The following MTUS2 variants were observed in gnomAD, a reference collection of about 807,000 sequenced individuals.
MTUS2 encodes microtubule associated scaffold protein 2.
MTUS2 carries 40 observed loss-of-function variants against 114.1 expected under a neutral mutation model. That is an observed-to-expected ratio of 0.35 (90% CI 0.27 to 0.46). The LOEUF is 0.46. Among genes scored for constraint, MTUS2 ranks in the 20% least tolerant of loss-of-function variants. MTUS2 has a pLI of 1.00. For missense variants in MTUS2, 1,679 were observed against 1,705.4 expected (o/e 0.98, Z 0.27); for synonymous variants, 688 against 672.0 (o/e 1.02, Z -0.37).
intron 7 of MTUS2, among the ~76,000 whole-genome samples, chr13:29,351,325 A>G: frequency 6.6e-6 from 1 of 151,994 alleles, no homozygotes; most frequent in Non-Finnish European, 1.5e-5. Context: ...ATTTAAGGAG[A>G]GTTTCTCTCC....
chr13:29,023,576 T>C (rs1886382766), intron 2 of MTUS2, among the ~76,000 whole-genome samples: 1 of 152,166 alleles, frequency 6.6e-6, no homozygotes, highest in Admixed American at 6.5e-5. Context: ...ACCAAATTAA[T>C]CTCTGGCATA....
At chr13:29,058,577 TTTTTA>T (rs1274368289) in intron 4 of MTUS2, among the ~76,000 whole-genome samples, 1 of 131,032 alleles carries the variant, frequency 7.6e-6, no homozygotes, top group Non-Finnish European at 1.7e-5. Context: ...TTTTTTTTTT[TTTTTA>T]ATTATTATTT....
At chr13:29,293,614 T>G (rs61948203) in intron 6 of MTUS2, among the ~76,000 whole-genome samples, 6,776 of 152,142 alleles carry the variant, frequency 0.045, 159 homozygotes, top group East Asian at 0.09. Flanking sequence ...GTTCAAGCAA[T>G]AATGATATAT....
intron 5 of MTUS2, among the ~76,000 whole-genome samples, chr13:29,173,577 A>T (rs1298563700): frequency 6.6e-6 from 1 of 152,158 alleles, no homozygotes; most frequent in African/African-American, 2.4e-5. Flanking sequence ...TACCTTTAGT[A>T]CTGTGTTAAA....
intron 5 of MTUS2, among the ~76,000 whole-genome samples, chr13:29,113,373 C>A (rs1232725091): frequency 6.6e-6 from 1 of 152,196 alleles, no homozygotes; most frequent in Admixed American, 6.5e-5. Flanking sequence ...GAATTAGAGA[C>A]AGAATTCGCT....
At chr13:29,209,044 T>G (rs1198784144) in intron 5 of MTUS2, among the ~76,000 whole-genome samples, 1 of 152,164 alleles carries the variant, frequency 6.6e-6, no homozygotes, top group East Asian at 1.9e-4. Context: ...CACTTATTAT[T>G]GTGTTGCTGT....
chr13:29,250,139 A>T (rs997361247), intron 5 of MTUS2, among the ~76,000 whole-genome samples: 1 of 152,350 alleles, frequency 6.6e-6, no homozygotes, highest in East Asian at 1.9e-4. Context: ...AAATAAAATA[A>T]AATGGATAAG....
intron 4 of MTUS2, among the ~76,000 whole-genome samples, chr13:29,070,095 G>C (rs529293458): frequency 6.6e-6 from 1 of 152,148 alleles, no homozygotes; most frequent in Non-Finnish European, 1.5e-5. Flanking sequence ...CTGGAGAGAG[G>C]GGATGGAATC....
chr13:29,448,077 TTC>T (rs1878417571), intron 9 of MTUS2, among the ~76,000 whole-genome samples: 1 of 152,156 alleles, frequency 6.6e-6, no homozygotes, highest in Admixed American at 6.5e-5. Context: ...ATGTTTAAGG[TTC>T]TCTCCCTAGC....
At chr13:28,843,542 C>A (rs541324166) in intron 2 of MTUS2, among the ~76,000 whole-genome samples, 35 of 152,128 alleles carry the variant, frequency 2.3e-4, no homozygotes, top group African/African-American at 8.4e-4. Flanking sequence ...ATCCAGAGCC[C>A]AGAATTTTAG....
intron 4 of MTUS2, among the ~76,000 whole-genome samples, chr13:29,064,967 T>G (rs1293042392): frequency 1.3e-5 from 2 of 152,248 alleles, no homozygotes; most frequent in Non-Finnish European, 2.9e-5. Flanking sequence ...TCATTCTTTT[T>G]TATGACTGCA....
intron 2 of MTUS2, among the ~76,000 whole-genome samples, chr13:28,843,560 G>A (rs1255907440): frequency 6.6e-6 from 1 of 152,154 alleles, no homozygotes; most frequent in Non-Finnish European, 1.5e-5. Flanking sequence ...TAGTATGTTG[G>A]TTATTGGGAT....
intron 5 of MTUS2, among the ~76,000 whole-genome samples, chr13:29,107,406 G>T (rs1301217531): frequency 5.3e-5 from 8 of 152,122 alleles, no homozygotes; most frequent in Admixed American, 2.0e-4. Flanking sequence ...TATGGAAAAA[G>T]ATTTTTGAGA....
At chr13:29,083,453 G>A (rs1223487401) in intron 4 of MTUS2, among the ~76,000 whole-genome samples, 1 of 152,182 alleles carries the variant, frequency 6.6e-6, no homozygotes, top group African/African-American at 2.4e-5. Context: ...TTCCTTTAGA[G>A]GTAAAGGAAA....
At chr13:29,255,296 C>G (rs545315605) in intron 5 of MTUS2, among the ~76,000 whole-genome samples, 1 of 152,136 alleles carries the variant, frequency 6.6e-6, no homozygotes, top group Non-Finnish European at 1.5e-5. Context: ...CCATTTGAGA[C>G]AAGATTAAGT....
intron 4 of MTUS2, among the ~76,000 whole-genome samples, chr13:29,077,823 T>A (rs1248922094): frequency 6.6e-6 from 1 of 152,214 alleles, no homozygotes; most frequent in African/African-American, 2.4e-5. Context: ...GTTGGATGGA[T>A]CTTTATCAAT....
intron 6 of MTUS2, among the ~76,000 whole-genome samples, chr13:29,286,648 A>ATCTGTCTGTCTGGCTGTCTGTCTG (rs1898493335): frequency 6.9e-6 from 1 of 145,966 alleles, no homozygotes; most frequent in African/African-American, 2.6e-5. Flanking sequence ...TGCACTATCT[A>ATCTGTCTGTCTGGCTGTCTGTCTG]TCTGTCTGTC....
At chr13:29,372,352 A>G (rs1455771031) in intron 8 of MTUS2, among the ~76,000 whole-genome samples, 1 of 152,110 alleles carries the variant, frequency 6.6e-6, no homozygotes, top group Non-Finnish European at 1.5e-5. Context: ...AGCATTCAGT[A>G]TCTGCAATGA....
chr13:29,453,956 G>A (rs971693692), intron 9 of MTUS2, among the ~76,000 whole-genome samples: 3 of 152,138 alleles, frequency 2.0e-5, no homozygotes, highest in Non-Finnish European at 2.9e-5. Context: ...TACCACCAGG[G>A]CCATGGTTAG....
Sources: gnomAD v4.1 joint callset for allele counts (sites outside exome capture counted in the v4.1 genomes callset) on GRCh38, gnomAD v4.1.1 for gene constraint, MANE v1.5 for transcripts, NCBI Gene and HGNC (gene_info 2026-07-23, HGNC 2026-07-21) for gene names.